Variants in BTNL8 observed in about 807,000 individuals in gnomAD.
The protein encoded by BTNL8 is butyrophilin like 8, also known as butyrophilin-like protein 8.
BTNL8 carries 22 observed loss-of-function variants against 36.1 expected under a neutral mutation model. That is an observed-to-expected ratio of 0.61 (90% CI 0.44 to 0.87). The LOEUF (loss-of-function observed/expected upper bound fraction) is 0.87. Among genes scored for constraint, BTNL8 ranks in the 40% least tolerant of loss-of-function variants. The probability of loss-of-function intolerance (pLI) is 0.00; values close to 1 mark genes in which losing one functional copy is unlikely to be tolerated. For synonymous variants in BTNL8, 203 were observed against 235.6 expected (o/e 0.86, Z 1.27); for missense variants, 526 against 616.9 (o/e 0.85, Z 1.56).
intron 1 of BTNL8, 34 bp downstream of exon 1, chr5:180,899,393 A>T (rs375659758): frequency 1.0e-5 from 16 of 1,593,478 alleles, no homozygotes; most frequent in Non-Finnish European, 1.4e-5. Flanking sequence ...CTTACTAACT[A>T]ACAGTTTGAG....
At chr5:180,923,752 C>A (rs1214628409) in intron 3 of BTNL8, among the ~76,000 whole-genome samples, 1 of 152,044 alleles carries the variant, frequency 6.6e-6, no homozygotes, top group African/African-American at 2.4e-5. Flanking sequence ...CATTGGAAAT[C>A]TGGATTAATC....
intron 1 of BTNL8, among the ~76,000 whole-genome samples, chr5:180,901,056 G>A (rs917167791): frequency 6.6e-6 from 1 of 152,218 alleles, no homozygotes; most frequent in African/African-American, 2.4e-5. Context: ...GGGACTCAGG[G>A]TTGGGTGGTG....
chr5:180,917,762 C>T (rs897150175), intron 3 of BTNL8, among the ~76,000 whole-genome samples: 3 of 151,942 alleles, frequency 2.0e-5, no homozygotes, highest in Admixed American at 6.6e-5. Context: ...GGCGTGGTGG[C>T]GGGTGCCTGT....
intron 3 of BTNL8, among the ~76,000 whole-genome samples, chr5:180,928,653 G>T (rs1027780762): frequency 6.6e-6 from 1 of 152,060 alleles, no homozygotes; most frequent in African/African-American, 2.4e-5. Flanking sequence ...AAAAAAGCAG[G>T]CGTTGCAATC....
intron 2 of BTNL8, 89 bp from the exon 3 acceptor site, chr5:180,911,250 T>TGG (rs1235505959): frequency 6.5e-7 from 1 of 1,541,000 alleles, no homozygotes; most frequent in Admixed American, 1.8e-5. Flanking sequence ...AGAGAATGGG[T>TGG]GGGGGGTGGA....
chr5:180,927,047 G>C (rs933563203), intron 3 of BTNL8, among the ~76,000 whole-genome samples: 4 of 152,202 alleles, frequency 2.6e-5, no homozygotes, highest in African/African-American at 9.6e-5. Context: ...CCCAGCAGGG[G>C]TCGACAGACG....
intron 2 of BTNL8, chr5:180,909,875 G>A (rs770154044): frequency 6.6e-6 from 1 of 152,216 alleles, no homozygotes; most frequent in Non-Finnish European, 1.5e-5. Flanking sequence ...GAACTTAGTA[G>A]TGTCACTACA....
chr5:180,918,411 T>C (rs1336843202), intron 3 of BTNL8, among the ~76,000 whole-genome samples: 2 of 152,130 alleles, frequency 1.3e-5, no homozygotes, highest in African/African-American at 4.8e-5. Context: ...GAACAAATAA[T>C]GTATAATTAT....
intron 1 of BTNL8, among the ~76,000 whole-genome samples, chr5:180,907,940 T>C (rs1273912628): frequency 2.6e-4 from 39 of 152,188 alleles, no homozygotes; most frequent in South Asian, 6.2e-4. Context: ...GACAGGGACA[T>C]TTAAGTCTGC....
rs181368542 is a variant in BTNL8 at position 180,950,876 on chromosome 5, T to C, written c.*332T>C. 2.2e-5 allele frequency: 7 copies of C among 318,032 alleles called. 1 individual carries two copies. In the East Asian group the frequency reaches 4.7e-4, roughly 22 times the overall value. The allele number at this position is 318,032 out of a possible 1,614,324, so 19.7% of individuals were successfully genotyped here. On this transcript the variant is annotated 3_prime_UTR_variant, in exon 8 of 8. Transcript: ENST00000340184. ...TTATTGATGACAGAGTGTATCCTAATGGTTTGTTCATTATATTACACTTTC... is the reference window on the plus strand; with the variant it reads ...TTATTGATGACAGAGTGTATCCTAACGGTTTGTTCATTATATTACACTTTC...
chr5:180,941,382 C>T (rs1381207512), intron 3 of BTNL8, among the ~76,000 whole-genome samples: 2 of 152,154 alleles, frequency 1.3e-5, no homozygotes, highest in Non-Finnish European at 2.9e-5. Flanking sequence ...AAAGAACTAA[C>T]ACCTTCTCTT....
At chr5:180,900,101 T>C (rs1756758483) in intron 1 of BTNL8, among the ~76,000 whole-genome samples, 1 of 152,168 alleles carries the variant, frequency 6.6e-6, no homozygotes, top group African/African-American at 2.4e-5. Flanking sequence ...AATCAAAACA[T>C]AGAGCATGTT....
intron 1 of BTNL8, among the ~76,000 whole-genome samples, chr5:180,906,262 T>G (rs576935316): frequency 6.7e-6 from 1 of 148,756 alleles, no homozygotes; most frequent in South Asian, 2.1e-4. Flanking sequence ...AATTGATCCC[T>G]TTACCATTAT....
In BTNL8 at chr5:180,899,170, G is replaced by A. The variant is rs1756716528; in HGVS notation, c.-141G>A. 1.1e-6 allele frequency: 1 copy of A among 910,954 alleles called. No individual in the cohort carries two copies. Among genetic ancestry groups the A allele is most frequent in the Non-Finnish European group, 1.8e-6 (1 of 567,922 alleles). The allele number at this position is 910,954 out of a possible 1,614,324, so 56.4% of individuals were successfully genotyped here. On this transcript the variant is annotated 5_prime_UTR_variant, in exon 1 of 8. Coordinates refer to ENST00000340184, the MANE Select transcript of BTNL8 (RefSeq NM_001040462.3). ...TGGAGTAGACTCTCAGAACAGCGCA[G>A]TTTGCCCTCCGCTCACGCAGAGCCT...
intron 3 of BTNL8, among the ~76,000 whole-genome samples, chr5:180,914,713 T>G (rs986916415): frequency 1.3e-5 from 2 of 151,776 alleles, no homozygotes; most frequent in African/African-American, 4.8e-5. Context: ...TGAAATGGAG[T>G]TTTCAGTTCT....
At chr5:180,900,874 C>T (rs950079008) in intron 1 of BTNL8, among the ~76,000 whole-genome samples, 7 of 152,228 alleles carry the variant, frequency 4.6e-5, no homozygotes, top group African/African-American at 1.7e-4. Flanking sequence ...CTCCTTTCCC[C>T]ACTGGGTGAG....
chr5:180,911,016 C>T (rs1270824759), intron 2 of BTNL8, among the ~76,000 whole-genome samples: 5 of 152,316 alleles, frequency 3.3e-5, no homozygotes, highest in East Asian at 1.9e-4. Context: ...TTCGGGTCAT[C>T]GTTCCTTTGG....
chr5:180,936,198 C>T (rs558034893), intron 3 of BTNL8, among the ~76,000 whole-genome samples: 8 of 152,104 alleles, frequency 5.3e-5, no homozygotes, highest in East Asian at 1.9e-4. Context: ...CGTGAGCCAC[C>T]GCCCCGGCAC....
intron 2 of BTNL8, among the ~76,000 whole-genome samples, 188 bp from the exon 3 acceptor site, chr5:180,911,151 C>T (rs1251914362): frequency 6.6e-6 from 1 of 152,176 alleles, no homozygotes; most frequent in Non-Finnish European, 1.5e-5. Context: ...GCCACGCATA[C>T]ACAGTAGTTG....
Sources: allele counts gnomAD v4.1 joint callset (sites outside exome capture counted in the v4.1 genomes callset), GRCh38; gene constraint gnomAD v4.1.1; transcripts MANE v1.5; gene names NCBI Gene and HGNC (gene_info 2026-07-23, HGNC 2026-07-21).